EPM2A: variants seen among roughly 807,000 people sequenced by gnomAD.
EPM2A encodes the protein EPM2A glucan phosphatase, laforin.
Under a neutral mutation model 26.5 loss-of-function variants are expected in EPM2A, and 21 were observed. The ratio of observed to expected loss-of-function variants is 0.79; its 90% confidence interval spans 0.56 to 1.14. EPM2A has a LOEUF of 1.14. Among genes scored for constraint, EPM2A ranks in the 50% most tolerant of loss-of-function variants. The probability of loss-of-function intolerance (pLI) is 0.00; values close to 1 mark genes in which losing one functional copy is unlikely to be tolerated. For synonymous variants in EPM2A, 217 were observed against 177.6 expected (o/e 1.22, Z -1.76); for missense variants, 458 against 440.8 (o/e 1.04, Z -0.35).
chr6:145,703,124 G>A (rs1228641102), intron 1 of EPM2A, among the ~76,000 whole-genome samples: 4 of 133,512 alleles, frequency 3.0e-5, no homozygotes, highest in South Asian at 2.2e-4. Flanking sequence ...ACGGAGTCTC[G>A]CTCTGTTGCC....
intron 4 of EPM2A, among the ~76,000 whole-genome samples, chr6:145,494,744 C>A (rs573146755): frequency 6.6e-6 from 1 of 152,180 alleles, no homozygotes; most frequent in South Asian, 2.1e-4. Flanking sequence ...ATTATTTATC[C>A]ACAGTCATCC....
chr6:145,569,814 TAGTC>T (rs1206757897), intron 2 of EPM2A, among the ~76,000 whole-genome samples: 1 of 152,160 alleles, frequency 6.6e-6, no homozygotes, highest in African/African-American at 2.4e-5. Flanking sequence ...CCTAGTGTAT[TAGTC>T]AGGGTTATCT....
chr6:145,685,998 T>C, intron 2 of EPM2A, 124 bp downstream of exon 2: 1 of 801,700 alleles, frequency 1.2e-6, no homozygotes, highest in Admixed American at 2.0e-5. Context: ...CTCCTCAAAG[T>C]ACTACAGGCC....
intron 2 of EPM2A, among the ~76,000 whole-genome samples, chr6:145,674,561 G>A (rs1230715630): frequency 6.6e-6 from 1 of 152,092 alleles, no homozygotes; most frequent in Non-Finnish European, 1.5e-5. Flanking sequence ...TAGACAAATG[G>A]CTAACTAATA....
At chr6:145,727,693 G>T (rs1390048070) in intron 1 of EPM2A, among the ~76,000 whole-genome samples, 1 of 152,148 alleles carries the variant, frequency 6.6e-6, no homozygotes, top group African/African-American at 2.4e-5. Context: ...AATAAATGTT[G>T]TACATGATAT....
At chr6:145,478,781 T>C (rs1417595475) in intron 4 of EPM2A, among the ~76,000 whole-genome samples, 1 of 151,836 alleles carries the variant, frequency 6.6e-6, no homozygotes, top group Non-Finnish European at 1.5e-5. Context: ...CATAAATTAT[T>C]TGAAACCGTG....
chr6:145,432,467 C>T (rs1397271999), intron 4 of EPM2A, among the ~76,000 whole-genome samples: 1 of 151,198 alleles, frequency 6.6e-6, no homozygotes, highest in African/African-American at 2.4e-5. Flanking sequence ...TCTTGAGTGA[C>T]CAGCTACATT....
At chr6:145,450,350 C>CAAAAA (rs368618860) in intron 4 of EPM2A, among the ~76,000 whole-genome samples, 26 of 62,426 alleles carry the variant, frequency 4.2e-4, no homozygotes, top group South Asian at 6.0e-4. Context: ...GACTCCGTCT[C>CAAAAA]AAAAAAAAAA....
intron 2 of EPM2A, among the ~76,000 whole-genome samples, chr6:145,685,800 C>G (rs1406497240): frequency 1.3e-5 from 2 of 152,118 alleles, no homozygotes; most frequent in Non-Finnish European, 2.9e-5. Flanking sequence ...ATAAAGGACA[C>G]AAATATTAAT....
At chr6:145,588,308 G>A (rs1355456465) in intron 2 of EPM2A, among the ~76,000 whole-genome samples, 1 of 152,090 alleles carries the variant, frequency 6.6e-6, no homozygotes, top group Non-Finnish European at 1.5e-5. Context: ...TTACTTTAGA[G>A]GCCTGTTTAT....
chr6:145,419,000 T>C (rs1778745212), intron 4 of EPM2A, among the ~76,000 whole-genome samples: 1 of 152,358 alleles, frequency 6.6e-6, no homozygotes, highest in Non-Finnish European at 1.5e-5. Context: ...GGCATTTGAC[T>C]GGCGAGTCAG....
chr6:145,453,533 T>A (rs951560928), intron 4 of EPM2A, among the ~76,000 whole-genome samples: 1 of 152,074 alleles, frequency 6.6e-6, no homozygotes, highest in Non-Finnish European at 1.5e-5. Flanking sequence ...AATAAAACCC[T>A]CTTGCTGTAA....
intron 4 of EPM2A, among the ~76,000 whole-genome samples, chr6:145,405,737 A>T (rs9376929): frequency 0.38 from 57,063 of 151,992 alleles, 10,980 homozygotes; most frequent in South Asian, 0.46. Context: ...ATTGGAGAAC[A>T]ACTAGAGTAA....
chr6:145,521,611 T>A (rs565842056), intron 2 of EPM2A, among the ~76,000 whole-genome samples: 5 of 152,254 alleles, frequency 3.3e-5, no homozygotes, highest in African/African-American at 1.2e-4. Flanking sequence ...GGATTTAAGG[T>A]GCACAAGCAG....
intron 2 of EPM2A, among the ~76,000 whole-genome samples, chr6:145,661,038 G>A (rs1778667171): frequency 6.6e-6 from 1 of 152,086 alleles, no homozygotes; most frequent in African/African-American, 2.4e-5. Flanking sequence ...GAGAAGGTTA[G>A]AGAGGGAGAC....
At chr6:145,425,730 T>A (rs1778846968) in intron 4 of EPM2A, among the ~76,000 whole-genome samples, 1 of 152,184 alleles carries the variant, frequency 6.6e-6, no homozygotes, top group Non-Finnish European at 1.5e-5. Context: ...TGTGGTTTGA[T>A]TCTTCTGAGG....
In EPM2A at chr6:145,627,216, A is replaced by C; in HGVS notation, c.*200T>G. ...CGTGCTTCTTCTCATGTGTTGAGCC[A>C]CAGCTTTCTTGTAGAGTATTTCAAA... On this transcript the variant is annotated 3_prime_UTR_variant, in exon 4 of 4. Coordinates refer to ENST00000367519, the MANE Select transcript of EPM2A (RefSeq NM_005670.4). 1 of 1,457,596 alleles carries C rather than the reference A, an allele frequency of 6.9e-7. No individual in the cohort carries two copies. The highest frequency in any genetic ancestry group is 9.0e-7 in the Non-Finnish European group (1 of 1,112,628). The allele number at this position is 1,457,596 out of a possible 1,614,324, so 90.3% of individuals were successfully genotyped here.
chr6:145,449,768 A>G (rs756873819), intron 4 of EPM2A, among the ~76,000 whole-genome samples: 2 of 152,110 alleles, frequency 1.3e-5, no homozygotes, highest in Non-Finnish European at 2.9e-5. Context: ...TAGTCAAACA[A>G]CTCTGACAAA....
intron 2 of EPM2A, among the ~76,000 whole-genome samples, chr6:145,598,270 C>T (rs1781374600): frequency 6.6e-6 from 1 of 152,112 alleles, no homozygotes; most frequent in Non-Finnish European, 1.5e-5. Context: ...GCCATTCTGA[C>T]TGGTGTGAGA....
Sources: gnomAD v4.1 joint callset for allele counts (sites outside exome capture counted in the v4.1 genomes callset) on GRCh38, gnomAD v4.1.1 for gene constraint, MANE v1.5 for transcripts, NCBI Gene and HGNC (gene_info 2026-07-23, HGNC 2026-07-21) for gene names.